The following EXOC4 variants were observed in gnomAD, a reference collection of about 807,000 sequenced individuals.
EXOC4 encodes exocyst complex component 4, also known as SEC8-like 1.
EXOC4 carries 71 observed loss-of-function variants against 107.2 expected under a neutral mutation model. That is an observed-to-expected ratio of 0.66 (90% CI 0.55 to 0.81). The LOEUF (loss-of-function observed/expected upper bound fraction) is 0.81. Among genes scored for constraint, EXOC4 ranks in the 30% least tolerant of loss-of-function variants. EXOC4 has a pLI of 0.00. For missense variants in EXOC4, 1,108 were observed against 1,189.6 expected (o/e 0.93, Z 1.01); for synonymous variants, 456 against 441.2 (o/e 1.03, Z -0.42).
chr7:133,596,589 C>G (rs1801680523), intron 9 of EXOC4, among the ~76,000 whole-genome samples: 1 of 152,166 alleles, frequency 6.6e-6, no homozygotes, highest in South Asian at 2.1e-4. Flanking sequence ...ATAAGTGCAA[C>G]AAGATGTCTC....
intron 7 of EXOC4, among the ~76,000 whole-genome samples, chr7:133,465,879 T>C (rs12534442): frequency 0.47 from 71,244 of 151,946 alleles, 17,232 homozygotes; most frequent in East Asian, 0.6. Flanking sequence ...CTCACACCTG[T>C]AATCCCAGCA....
intron 7 of EXOC4, among the ~76,000 whole-genome samples, chr7:133,449,297 G>A (rs1007923930): frequency 1.3e-5 from 2 of 152,120 alleles, no homozygotes; most frequent in Admixed American, 1.3e-4. Context: ...CCCAGAGGGA[G>A]GGTGACTCTG....
chr7:133,763,238 T>A (rs1010382194), intron 10 of EXOC4, among the ~76,000 whole-genome samples: 2 of 152,060 alleles, frequency 1.3e-5, no homozygotes, highest in Admixed American at 6.6e-5. Flanking sequence ...GGTCAGAAAC[T>A]CTTACCAATG....
At position 133,844,579 on chromosome 7, in the gene EXOC4, G is replaced by A. The variant is rs537398189; in HGVS notation, c.1734+27035G>A. Among the ~76,000 whole-genome samples, 8 of 151,714 alleles carry A rather than the reference G, an allele frequency of 5.3e-5. No homozygotes were observed. The South Asian group carries it at 1.5e-3, about 28-fold the overall frequency. On this transcript the variant is annotated intron_variant, in intron 11 of 17. Transcript: ENST00000253861. ...TAATTTTTGTATGTTTAGTAGAGAC[G>A]TGGTTTCACCGTGTTGGCCAGGATG... is the stretch of plus-strand genomic sequence containing the variant.
chr7:133,445,147 G>T (rs1020028354), intron 7 of EXOC4, among the ~76,000 whole-genome samples: 2 of 152,040 alleles, frequency 1.3e-5, no homozygotes, highest in African/African-American at 4.8e-5. Context: ...AAAGTTTTCA[G>T]CTTCTATCCT....
intron 7 of EXOC4, among the ~76,000 whole-genome samples, chr7:133,456,593 G>A (rs967354266): frequency 9.2e-5 from 14 of 152,268 alleles, no homozygotes; most frequent in African/African-American, 2.9e-4. Flanking sequence ...ATTGAACTCT[G>A]CAAACTCCCC....
chr7:133,273,589 A>C (rs965041590), intron 1 of EXOC4, among the ~76,000 whole-genome samples: 3 of 152,198 alleles, frequency 2.0e-5, no homozygotes, highest in Non-Finnish European at 4.4e-5. Context: ...ACCTAACAAA[A>C]AGAATTGTAA....
intron 1 of EXOC4, among the ~76,000 whole-genome samples, chr7:133,255,270 A>G (rs1794990061): frequency 6.6e-6 from 1 of 151,668 alleles, no homozygotes; most frequent in South Asian, 2.1e-4. Flanking sequence ...TCCGCCTCCC[A>G]GGTTCAAGTG....
intron 10 of EXOC4, among the ~76,000 whole-genome samples, chr7:133,640,839 T>G (rs1016554493): frequency 6.0e-5 from 9 of 150,304 alleles, no homozygotes; most frequent in Non-Finnish European, 1.3e-4. Flanking sequence ...GAAAGATAAT[T>G]GGCAACTTAA....
chr7:134,002,835 G>A (rs1278636689), intron 15 of EXOC4, among the ~76,000 whole-genome samples: 1 of 152,122 alleles, frequency 6.6e-6, no homozygotes, highest in East Asian at 1.9e-4. Flanking sequence ...TACTGATGAG[G>A]ATGTGGAACA....
chr7:133,785,101 C>T (rs746191771), intron 10 of EXOC4, among the ~76,000 whole-genome samples: 1 of 152,260 alleles, frequency 6.6e-6, no homozygotes, highest in East Asian at 1.9e-4. Context: ...CTTACTTACC[C>T]GTCTTCCAGA....
intron 11 of EXOC4, among the ~76,000 whole-genome samples, chr7:133,822,427 A>C (rs868639269): frequency 6.6e-6 from 1 of 152,186 alleles, no homozygotes; most frequent in African/African-American, 2.4e-5. Flanking sequence ...TTGACCCCTT[A>C]CCCATCAAAT....
intron 9 of EXOC4, among the ~76,000 whole-genome samples, chr7:133,504,875 C>T (rs945438510): frequency 5.9e-5 from 9 of 151,888 alleles, no homozygotes; most frequent in Non-Finnish European, 1.3e-4. Context: ...CAAAGAACCC[C>T]GTTTTCTTAG....
chr7:134,063,417 A>T (rs1420995698), intron 17 of EXOC4, among the ~76,000 whole-genome samples: 1 of 152,214 alleles, frequency 6.6e-6, no homozygotes, highest in African/African-American at 2.4e-5. Flanking sequence ...GTGAAAAAAC[A>T]GTCTTGAACT....
At chr7:133,911,092 T>TA (rs1799683394) in intron 12 of EXOC4, among the ~76,000 whole-genome samples, 1 of 152,158 alleles carries the variant, frequency 6.6e-6, no homozygotes. Context: ...TACCAAAAGG[T>TA]ACACCTATTT....
intron 5 of EXOC4, among the ~76,000 whole-genome samples, chr7:133,347,985 G>T (rs999024508): frequency 1.6e-4 from 25 of 152,178 alleles, no homozygotes; most frequent in Admixed American, 1.1e-3. Context: ...CCTACACGTT[G>T]AGTACATATT....
At chr7:133,908,022 T>C (rs534853273) in intron 12 of EXOC4, among the ~76,000 whole-genome samples, 100 of 152,254 alleles carry the variant, frequency 6.6e-4, no homozygotes, top group African/African-American at 2.3e-3. Flanking sequence ...ACTCATCCTT[T>C]CCAGTACATA....
At chr7:133,765,451 G>C (rs534981220) in intron 10 of EXOC4, among the ~76,000 whole-genome samples, 3 of 151,990 alleles carry the variant, frequency 2.0e-5, no homozygotes, top group East Asian at 1.9e-4. Context: ...TATAAGGATG[G>C]TAGGCTTGGG....
intron 11 of EXOC4, among the ~76,000 whole-genome samples, chr7:133,875,523 CTG>C (rs1334297936): frequency 6.6e-6 from 1 of 152,176 alleles, no homozygotes; most frequent in Non-Finnish European, 1.5e-5. Flanking sequence ...TGCCCACGAA[CTG>C]TCTCTTGGCT....
Sources: allele counts gnomAD v4.1 joint callset (sites outside exome capture counted in the v4.1 genomes callset), GRCh38; gene constraint gnomAD v4.1.1; transcripts MANE v1.5; gene names NCBI Gene and HGNC (gene_info 2026-07-23, HGNC 2026-07-21).